Variants in THSD7B observed in about 807,000 individuals in gnomAD.
The protein encoded by THSD7B is thrombospondin type-1 domain-containing protein 7B.
A neutral mutation model predicts 213.6 loss-of-function variants in THSD7B; 138 were observed. That is an observed-to-expected ratio of 0.65 (90% CI 0.56 to 0.74). The LOEUF (loss-of-function observed/expected upper bound fraction) is 0.74. Among genes scored for constraint, THSD7B ranks in the 30% least tolerant of loss-of-function variants. The pLI, the probability that THSD7B is intolerant of heterozygous loss-of-function variation, is 0.00. For synonymous variants in THSD7B, 742 were observed against 687.0 expected (o/e 1.08, Z -1.25); for missense variants, 1,931 against 1,991.5 (o/e 0.97, Z 0.58).
intron 2 of THSD7B, among the ~76,000 whole-genome samples, chr2:137,027,982 CATA>C (rs1359376479): frequency 2.0e-5 from 3 of 152,108 alleles, no homozygotes. Flanking sequence ...GTTCCCTGCA[CATA>C]ATAAGCATTC....
In THSD7B at chr2:137,226,180, T is replaced by C. The variant is rs934825788; in HGVS notation, c.1724-4864T>C. ...TGACATGTAGAGTATTTTCGATAAC[T>C]GTTTCATTGTTTTCCATAGTGTAAT... On this transcript the variant is annotated intron_variant, in intron 7 of 27. Transcript: ENST00000409968. Among the ~76,000 whole-genome samples, 12 of 151,778 alleles carry C rather than the reference T, an allele frequency of 7.9e-5. 1 individual carries two copies. The highest frequency in any genetic ancestry group is 5.9e-4 in the Admixed American group (9 of 15,210).
At chr2:137,638,090 C>T (rs867064390) in intron 20 of THSD7B, among the ~76,000 whole-genome samples, 10 of 152,284 alleles carry the variant, frequency 6.6e-5, no homozygotes, top group Non-Finnish European at 1.5e-4. Flanking sequence ...TCTGTCTAAA[C>T]ATATACACTC....
intron 6 of THSD7B, among the ~76,000 whole-genome samples, chr2:137,170,224 G>C (rs1329818558): frequency 6.6e-6 from 1 of 152,106 alleles, no homozygotes; most frequent in Non-Finnish European, 1.5e-5. Context: ...ACTCCAAAGA[G>C]ATATTGTCTT....
At chr2:137,487,396 A>AAC (rs1553454200) in intron 15 of THSD7B, among the ~76,000 whole-genome samples, 1 of 120,946 alleles carries the variant, frequency 8.3e-6, no homozygotes, top group Admixed American at 8.3e-5. Flanking sequence ...AAAAAAAAAA[A>AAC]AAAGAACTAG....
intron 7 of THSD7B, among the ~76,000 whole-genome samples, chr2:137,229,308 G>T (rs1267568895): frequency 6.6e-6 from 1 of 152,032 alleles, no homozygotes; most frequent in Non-Finnish European, 1.5e-5. Flanking sequence ...TGGGCCTTTT[G>T]TTTGGCCTGC....
In THSD7B at chr2:137,192,980, G is replaced by A. The variant is rs116425135; in HGVS notation, c.1723+22042G>A. ...AAAGCTTGTGTGTGCGTATGTGTATGTGTGTATGTGTGTATGTGTGTGTGT... is the reference window on the plus strand; with the variant it reads ...AAAGCTTGTGTGTGCGTATGTGTATATGTGTATGTGTGTATGTGTGTGTGT... On this transcript the variant is annotated intron_variant, in intron 7 of 27. Transcript: ENST00000409968. Among the ~76,000 whole-genome samples the A allele has an allele frequency of 7.4e-3, 1,124 of 152,086 alleles. 14 individuals carry two copies. The highest frequency in any genetic ancestry group is 0.025 in the African/African-American group (1,034 of 41,498).
At chr2:136,780,599 T>C (rs1351829727) in intron 1 of THSD7B, among the ~76,000 whole-genome samples, 3 of 152,218 alleles carry the variant, frequency 2.0e-5, no homozygotes, top group African/African-American at 7.2e-5. Context: ...ATGTTGACTT[T>C]TCATTTTCAC....
chr2:137,461,947 A>T lies in THSD7B; in HGVS notation c.3138+10924A>T, dbSNP rs1014587222. Reference sequence around the variant, plus strand: ...TTGGTATCAAATATGGTGTCTGTTAATTAAACTTGTCTTTCAACTTACTTT... The same window carrying T: ...TTGGTATCAAATATGGTGTCTGTTATTTAAACTTGTCTTTCAACTTACTTT... On this transcript the variant is annotated intron_variant, in intron 15 of 27. Coordinates refer to ENST00000409968, the MANE Select transcript of THSD7B (RefSeq NM_001316349.2). Among the ~76,000 whole-genome samples, 6 of 152,268 alleles carry T rather than the reference A, an allele frequency of 3.9e-5. No homozygotes were observed. In the South Asian group the frequency reaches 1.0e-3, roughly 26 times the overall value.
Position 137,351,570 on chromosome 2 carries a change from G to A in THSD7B, c.2501-54043G>A, listed in dbSNP as rs138171288. 3.2e-3 allele frequency among the ~76,000 whole-genome samples: 488 copies of A among 151,978 alleles called. 1 individual carries two copies. Among genetic ancestry groups the A allele is most frequent in the Admixed American group, 7.6e-3 (116 of 15,232 alleles). ...AGAGGTCTGATAAAATGAAGCAATC[G>A]ATGAGTGACCCTTGATAGAGTTTAG... On this transcript the variant is annotated intron_variant, in intron 12 of 27. Transcript: ENST00000409968.
At chr2:136,768,083 G>A (rs1348639961) in intron 1 of THSD7B, among the ~76,000 whole-genome samples, 1 of 152,180 alleles carries the variant, frequency 6.6e-6, no homozygotes, top group Non-Finnish European at 1.5e-5. Flanking sequence ...GTACCTTTCT[G>A]TTCTCTGCTG....
chr2:137,062,264 A>G (rs1208986624), intron 3 of THSD7B, among the ~76,000 whole-genome samples: 2 of 151,386 alleles, frequency 1.3e-5, no homozygotes, highest in Non-Finnish European at 3.0e-5. Flanking sequence ...CATTAATTTT[A>G]TCAGTGCTTT....
At chr2:137,636,505 A>T (rs1177673291) in intron 20 of THSD7B, among the ~76,000 whole-genome samples, 2 of 152,230 alleles carry the variant, frequency 1.3e-5, no homozygotes, top group Non-Finnish European at 2.9e-5. Flanking sequence ...ATCATAATAT[A>T]TATGCTAGTG....
chr2:136,909,938 GAGT>G (rs1684230083), intron 2 of THSD7B, among the ~76,000 whole-genome samples: 1 of 152,114 alleles, frequency 6.6e-6, no homozygotes, highest in South Asian at 2.1e-4. Context: ...AGAATCCTGA[GAGT>G]GTAATAGCCT....
chr2:137,576,514 A>T (rs1056558910), intron 17 of THSD7B, among the ~76,000 whole-genome samples: 1 of 152,146 alleles, frequency 6.6e-6, no homozygotes, highest in Admixed American at 6.6e-5. Flanking sequence ...TCTGTGAGAA[A>T]CGATCACAAA....
chr2:136,898,071 T>A (rs1191091520), intron 2 of THSD7B, among the ~76,000 whole-genome samples: 1 of 152,212 alleles, frequency 6.6e-6, no homozygotes, highest in African/African-American at 2.4e-5. Flanking sequence ...AGAGCGCTGA[T>A]CAGTGCATTT....
intron 2 of THSD7B, among the ~76,000 whole-genome samples, chr2:136,932,524 T>C (rs1684648210): frequency 7.4e-6 from 1 of 135,220 alleles, no homozygotes; most frequent in Admixed American, 7.4e-5. Context: ...ACATAAACAG[T>C]TGATTAACCT....
chr2:137,495,879 A>AC (rs1258709319), intron 15 of THSD7B, among the ~76,000 whole-genome samples: 3 of 152,034 alleles, frequency 2.0e-5, no homozygotes, highest in Non-Finnish European at 4.4e-5. Context: ...CTCCAGTTCT[A>AC]CCCCCCTGGC....
intron 5 of THSD7B, among the ~76,000 whole-genome samples, chr2:137,120,594 A>G (rs1688528736): frequency 6.6e-6 from 1 of 152,092 alleles, no homozygotes; most frequent in East Asian, 1.9e-4. Context: ...TTTTCTTTCC[A>G]TTAGGCTGCA....
At chr2:137,506,955 C>T (rs371816277) in intron 15 of THSD7B, among the ~76,000 whole-genome samples, 53 of 152,328 alleles carry the variant, frequency 3.5e-4, no homozygotes, top group African/African-American at 1.2e-3. Flanking sequence ...AACTAACAAT[C>T]ACATAATTGG....
Sources: gnomAD v4.1 joint callset for allele counts (sites outside exome capture counted in the v4.1 genomes callset) on GRCh38, gnomAD v4.1.1 for gene constraint, MANE v1.5 for transcripts, NCBI Gene and HGNC (gene_info 2026-07-23, HGNC 2026-07-21) for gene names.